Variants in TMCO1 observed in about 807,000 individuals in gnomAD.
The protein encoded by TMCO1 is calcium load-activated calcium channel.
In TMCO1, 29 loss-of-function variants were observed where a neutral mutation model predicts 29.3. That is an observed-to-expected ratio of 0.99 (90% CI 0.74 to 1.35). The LOEUF is 1.35. TMCO1 is among the 40% of genes most tolerant of loss of function. The pLI is 0.00. For missense variants in TMCO1, 173 were observed against 225.5 expected (o/e 0.77, Z 1.49); for synonymous variants, 80 against 77.1 (o/e 1.04, Z -0.20).
intron 3 of TMCO1, among the ~76,000 whole-genome samples, chr1:165,756,713 T>C (rs906809310): frequency 2.1e-4 from 32 of 152,046 alleles, no homozygotes; most frequent in Non-Finnish European, 1.5e-4. Flanking sequence ...ACATTTTGCT[T>C]CTCCGGAACA....
At position 165,726,855 on chromosome 1, in the gene TMCO1, G is replaced by C. The variant is rs1558026004; in HGVS notation, c.*1168C>G. The C allele has an allele frequency of 2.2e-6, 1 of 453,576 alleles. No individual in the cohort carries two copies. Among genetic ancestry groups the C allele is most frequent in the African/African-American group, 2.0e-5 (1 of 49,944 alleles). The allele number at this position is 453,576 out of a possible 1,614,324, so 28.1% of individuals were successfully genotyped here. A position where few individuals can be genotyped will look rare whatever the true frequency, so the allele number is the denominator to read the frequency against. On this transcript the variant is annotated 3_prime_UTR_variant, in exon 7 of 7. Transcript: ENST00000367881. ...AATATTGTACATAAAATTCTAAGTTGATACTTATTTTCCTCAGCACTTTGA... is the reference window on the plus strand; with the variant it reads ...AATATTGTACATAAAATTCTAAGTTCATACTTATTTTCCTCAGCACTTTGA...
chr1:165,744,238 GATT>G (rs924446508), intron 5 of TMCO1, among the ~76,000 whole-genome samples: 3 of 152,248 alleles, frequency 2.0e-5, no homozygotes, highest in Admixed American at 2.0e-4. Context: ...ACAATAGGTG[GATT>G]ATTTCTTTAA....
intron 6 of TMCO1, among the ~76,000 whole-genome samples, chr1:165,735,287 G>A (rs1465699549): frequency 6.6e-6 from 1 of 152,076 alleles, no homozygotes; most frequent in South Asian, 2.1e-4. Flanking sequence ...AAGACAAAAT[G>A]TTTTATTTTT....
intron 2 of TMCO1, among the ~76,000 whole-genome samples, chr1:165,763,312 T>A (rs910943868): frequency 1.3e-5 from 2 of 152,234 alleles, no homozygotes; most frequent in African/African-American, 4.8e-5. Context: ...ATGCTAAATA[T>A]AATAGTTGTG....
intron 6 of TMCO1, among the ~76,000 whole-genome samples, chr1:165,731,254 T>C (rs976646311): frequency 6.6e-6 from 1 of 152,160 alleles, no homozygotes; most frequent in African/African-American, 2.4e-5. Context: ...AAAAACCCAT[T>C]ACACAAAGCA....
intron 6 of TMCO1, among the ~76,000 whole-genome samples, chr1:165,729,234 T>C (rs553715220): frequency 6.6e-6 from 1 of 152,208 alleles, no homozygotes; most frequent in African/African-American, 2.4e-5. Context: ...TTTCCATTGT[T>C]TCACCTACAT....
intron 4 of TMCO1, 75 bp downstream of exon 4, chr1:165,754,153 A>C: frequency 7.9e-7 from 1 of 1,262,002 alleles, no homozygotes; most frequent in Non-Finnish European, 1.2e-6. Flanking sequence ...GGTGAGTGCA[A>C]TGCACTTGAT....
At chr1:165,758,694 C>CT (rs565702681) in intron 3 of TMCO1, among the ~76,000 whole-genome samples, 165 of 152,276 alleles carry the variant, frequency 1.1e-3, no homozygotes, top group Non-Finnish European at 1.8e-3. Context: ...TCTTTTTCTA[C>CT]TTTGTTTCTC....
In TMCO1 at chr1:165,754,224, T is replaced by C. The variant is rs1266068201; in HGVS notation, c.255+4A>G. On this transcript the variant is annotated splice_donor_region_variant and intron_variant, in intron 4 of 6. Transcript: ENST00000367881. ...AACCATGAAGTTATAGTTAGGTCTC[T>C]TACCATTGATAGATCTCTGTTGTTA... 3 of 1,609,072 alleles carry C rather than the reference T, an allele frequency of 1.9e-6. No individual in the cohort carries two copies. Among genetic ancestry groups the C allele is most frequent in the Admixed American group, 1.7e-5 (1 of 60,024 alleles).
chr1:165,727,790 C>G lies in TMCO1; in HGVS notation c.*233G>C. On this transcript the variant is annotated 3_prime_UTR_variant, in exon 7 of 7. Coordinates refer to ENST00000367881, the MANE Select transcript of TMCO1 (RefSeq NM_019026.6). ...TTGTTTTTCATTACATAAACATTAC[C>G]TGAACTTAACTAATCAATCCACTTA... is the stretch of plus-strand genomic sequence containing the variant. The G allele has an allele frequency of 2.1e-6, 1 of 483,952 alleles. No individual in the cohort carries two copies. The highest frequency in any genetic ancestry group is 1.6e-5 in the South Asian group (1 of 64,480). 30.0% of individuals were successfully genotyped at this position (483,952 alleles called of 1,614,324 possible). A position where few individuals can be genotyped will look rare whatever the true frequency, so the allele number is the denominator to read the frequency against.
In TMCO1 at chr1:165,744,476, G is replaced by A. The variant is rs191374325; in HGVS notation, c.324-1165C>T. Among the ~76,000 whole-genome samples the A allele has an allele frequency of 3.9e-5, 6 of 152,250 alleles. No individual in the cohort carries two copies. In the East Asian group the frequency reaches 9.7e-4, roughly 25 times the overall value. ...ATGAGCTTTCTGTATTAGGAGAGAA[G>A]TTATGTGTTAAATGACTTTTAAGAT... is the stretch of plus-strand genomic sequence containing the variant. On this transcript the variant is annotated intron_variant, in intron 5 of 6. Coordinates refer to ENST00000367881, the MANE Select transcript of TMCO1 (RefSeq NM_019026.6).
At chr1:165,768,150 C>CT in intron 2 of TMCO1, 42 bp downstream of exon 2, 1 of 1,484,318 alleles carries the variant, frequency 6.7e-7, no homozygotes, top group Non-Finnish European at 9.4e-7. Flanking sequence ...ACTTAATGAG[C>CT]TTGACGTGTT....
In TMCO1 at chr1:165,727,857, G is replaced by A. The variant is rs1650967514; in HGVS notation, c.*166C>T. The A allele has an allele frequency of 3.5e-6, 2 of 565,382 alleles. No homozygotes were observed. The highest frequency in any genetic ancestry group is 6.7e-6 in the Non-Finnish European group (2 of 298,580). The allele number at this position is 565,382 out of a possible 1,614,324, so 35.0% of individuals were successfully genotyped here. A position where few individuals can be genotyped will look rare whatever the true frequency, so the allele number is the denominator to read the frequency against. On this transcript the variant is annotated 3_prime_UTR_variant, in exon 7 of 7. Coordinates refer to ENST00000367881, the MANE Select transcript of TMCO1 (RefSeq NM_019026.6). The stretch of plus-strand genomic sequence containing the variant: ...TAGGACCAAAAGCACTATCAAGTTT[G>A]CTGGCTGCCATTTTCACTCTAATCA...
rs1350944909 is a variant in TMCO1 at position 165,727,081 on chromosome 1, G to A, written c.*942C>T. 2.2e-6 allele frequency: 1 copy of A among 453,870 alleles called. No individual in the cohort carries two copies. Among genetic ancestry groups the A allele is most frequent in the Non-Finnish European group, 4.4e-6 (1 of 226,776 alleles). The allele number at this position is 453,870 out of a possible 1,614,324, so 28.1% of individuals were successfully genotyped here. Reference sequence around the variant, plus strand: ...CTAATTCCATAGATTATGCGGGGAGGATCATGGTACAAACATCCTTCTCCC... The same window carrying A: ...CTAATTCCATAGATTATGCGGGGAGAATCATGGTACAAACATCCTTCTCCC... On this transcript the variant is annotated 3_prime_UTR_variant, in exon 7 of 7. Transcript: ENST00000367881.
downstream of TMCO1, chr1:165,725,339 G>A (rs1650831704): frequency 2.2e-6 from 1 of 453,938 alleles, no homozygotes; most frequent in Non-Finnish European, 4.4e-6. Flanking sequence ...GGCCCCATTG[G>A]AGAGAATGAC....
intron 4 of TMCO1, among the ~76,000 whole-genome samples, chr1:165,753,718 A>G (rs73022565): frequency 0.013 from 2,016 of 152,198 alleles, 54 homozygotes; most frequent in African/African-American, 0.047. Flanking sequence ...GGCTGAGACA[A>G]GAGGGTCCCT....
At chr1:165,732,380 TAAA>T (rs1455786044) in intron 6 of TMCO1, among the ~76,000 whole-genome samples, 3 of 17,392 alleles carry the variant, frequency 1.7e-4, no homozygotes, top group South Asian at 2.1e-3. Context: ...AAAAATCACA[TAAA>T]GAAGCAAAAA....
intron 6 of TMCO1, among the ~76,000 whole-genome samples, chr1:165,737,374 T>C (rs1651429692): frequency 6.6e-6 from 1 of 151,710 alleles, no homozygotes; most frequent in Non-Finnish European, 1.5e-5. Flanking sequence ...ATAGCTTCAG[T>C]GTCCTGTTGG....
rs1571236378 is a variant in TMCO1, at chr1:165,768,335, T to C, written c.71-66A>G. ...GAATGATCACAACAAACAAAGTGGTTACTGTTGGAGAAGGAGGAATTCCAA... is the reference window on the plus strand; with the variant it reads ...GAATGATCACAACAAACAAAGTGGTCACTGTTGGAGAAGGAGGAATTCCAA... On this transcript the variant is annotated intron_variant, in intron 1 of 6. Transcript: ENST00000367881. The C allele has an allele frequency of 5.8e-6, 9 of 1,554,178 alleles. No individual in the cohort carries two copies. The East Asian group carries it at 2.0e-4, about 35-fold the overall frequency.
Sources: allele counts gnomAD v4.1 joint callset (sites outside exome capture counted in the v4.1 genomes callset), GRCh38; gene constraint gnomAD v4.1.1; transcripts MANE v1.5; gene names NCBI Gene and HGNC (gene_info 2026-07-23, HGNC 2026-07-21).